The following PDIK1L variants were observed in gnomAD, a reference collection of about 807,000 sequenced individuals.
PDIK1L encodes the protein PDLIM1 interacting kinase 1 like.
In PDIK1L, 9 loss-of-function variants were observed where a neutral mutation model predicts 27.1. That is an observed-to-expected ratio of 0.33 (90% CI 0.20 to 0.58). The LOEUF is 0.58. Ranked by LOEUF, PDIK1L falls within the 20% of genes least tolerant of loss-of-function variation. The pLI is 0.86. For synonymous variants in PDIK1L, 130 were observed against 141.7 expected, an observed-to-expected ratio of 0.92 and a Z score of 0.59; for missense variants, 216 against 413.2, an observed-to-expected ratio of 0.52 and a Z score of 4.14.
At chr1:26,116,599 G>T (rs1435767640) in intron 2 of PDIK1L, among the ~76,000 whole-genome samples, 5 of 152,196 alleles carry the variant, frequency 3.3e-5, no homozygotes, top group Admixed American at 6.5e-5. Context: ...ATACACGAAT[G>T]TATGTATTAA....
rs1315734461 is a variant in PDIK1L, at chr1:26,124,470, C to G, written c.*1893C>G. ...AGCTATAGGGAGTAAGAAAAAGCAT[C>G]ATGATAACGTCTAGTCAATAACATG... On this transcript the variant is annotated 3_prime_UTR_variant, in exon 3 of 3. Coordinates refer to ENST00000374269, the MANE Select transcript of PDIK1L (RefSeq NM_152835.5). 1 of 152,158 alleles carries G rather than the reference C, an allele frequency of 6.6e-6. No individual in the cohort carries two copies. The highest frequency in any genetic ancestry group is 2.4e-5 in the African/African-American group (1 of 41,442). The allele number at this position is 152,158 out of a possible 1,614,324, so 9.4% of individuals were successfully genotyped here.
At chr1:26,118,749 C>T (rs947932807) in intron 2 of PDIK1L, among the ~76,000 whole-genome samples, 1 of 152,202 alleles carries the variant, frequency 6.6e-6, no homozygotes, top group Non-Finnish European at 1.5e-5. Context: ...CATTCATCAA[C>T]ACATTTAGCA....
chr1:26,115,768 C>G (rs2124469498), intron 2 of PDIK1L, among the ~76,000 whole-genome samples: 1 of 151,704 alleles, frequency 6.6e-6, no homozygotes, highest in East Asian at 1.9e-4. Flanking sequence ...CGCCACTGCA[C>G]TCCAGCCTGG....
chr1:26,113,122 A>T (rs1170380641), intron 1 of PDIK1L, among the ~76,000 whole-genome samples: 1 of 152,256 alleles, frequency 6.6e-6, no homozygotes, highest in African/African-American at 2.4e-5. Flanking sequence ...TAAAAATTTT[A>T]AAATAGCTAT....
At chr1:26,118,760 A>G (rs1370212075) in intron 2 of PDIK1L, among the ~76,000 whole-genome samples, 7 of 152,348 alleles carry the variant, frequency 4.6e-5, no homozygotes, top group African/African-American at 1.7e-4. Flanking sequence ...ACATTTAGCA[A>G]GTGCCCTCTC....
intron 2 of PDIK1L, among the ~76,000 whole-genome samples, chr1:26,118,472 T>C (rs905837772): frequency 3.9e-5 from 6 of 152,230 alleles, no homozygotes; most frequent in African/African-American, 1.4e-4. Context: ...CCTTTTTGTT[T>C]AGTAAATCTC....
rs2088009558 is a variant in PDIK1L at position 26,122,718 on chromosome 1, C to A, written c.*141C>A. Reference sequence around the variant, plus strand: ...TTTTTTGTGGGATTTTTTTTTTCCTCATTTTTCTTAAATCCAAGTTGGCCG... The same window carrying A: ...TTTTTTGTGGGATTTTTTTTTTCCTAATTTTTCTTAAATCCAAGTTGGCCG... On this transcript the variant is annotated 3_prime_UTR_variant, in exon 3 of 3. Transcript: ENST00000374269. The surrounding 1 kb of genome is among the most constrained non-coding windows in gnomAD (Gnocchi z 5.4). 1.9e-6 allele frequency: 2 copies of A among 1,067,308 alleles called. No homozygotes were observed. The highest frequency in any genetic ancestry group is 2.5e-6 in the Non-Finnish European group (2 of 801,646). 66.1% of individuals were successfully genotyped at this position (1,067,308 alleles called of 1,614,324 possible).
rs557065681 is a variant in PDIK1L at position 26,116,967 on chromosome 1, C to T, written c.285+2374C>T. 3.3e-5 allele frequency among the ~76,000 whole-genome samples: 5 copies of T among 150,170 alleles called. No individual in the cohort carries two copies. The South Asian group carries it at 6.4e-4, about 19-fold the overall frequency. ...CTGACCTCAGGTGATCCACCCACCT[C>T]GGCCTCCCAAAGTGTTGGGATTACA... On this transcript the variant is annotated intron_variant, in intron 2 of 2. Transcript: ENST00000374269.
At chr1:26,115,532 TG>T (rs1425958951) in intron 2 of PDIK1L, among the ~76,000 whole-genome samples, 1 of 152,230 alleles carries the variant, frequency 6.6e-6, no homozygotes, top group Non-Finnish European at 1.5e-5. Flanking sequence ...CCAGGCACAG[TG>T]GCTCACGCCT....
chr1:26,111,508 C>A (rs1267825203), upstream of PDIK1L: 1 of 151,232 alleles, frequency 6.6e-6, no homozygotes, highest in Non-Finnish European at 1.5e-5. The surrounding 1 kb of genome is among the most constrained non-coding windows in gnomAD (Gnocchi z 4.0). Context: ...GCAGACGGTC[C>A]CCGGGGCCGC....
Position 26,122,635 on chromosome 1 carries a change from A to G in PDIK1L, c.*58A>G. The G allele has an allele frequency of 6.6e-7, 1 of 1,513,578 alleles. No individual in the cohort carries two copies. Among genetic ancestry groups the G allele is most frequent in the East Asian group, 2.3e-5 (1 of 44,118 alleles). The allele number at this position is 1,513,578 out of a possible 1,614,324, so 93.8% of individuals were successfully genotyped here. The stretch of plus-strand genomic sequence containing the variant: ...GCTGCTTCTGTTTAACAGTGATGCA[A>G]CATTATGTGGCTGAAAAAGAATATA... On this transcript the variant is annotated 3_prime_UTR_variant, in exon 3 of 3. Coordinates refer to ENST00000374269, the MANE Select transcript of PDIK1L (RefSeq NM_152835.5). This position sits in a 1 kb window ranked among gnomAD's most constrained non-coding sequence, Gnocchi z 5.4.
At chr1:26,116,641 G>A (rs1181277700) in intron 2 of PDIK1L, among the ~76,000 whole-genome samples, 2 of 152,236 alleles carry the variant, frequency 1.3e-5, no homozygotes, top group African/African-American at 4.8e-5. Flanking sequence ...ACGATGAGCA[G>A]TATTAGTCTT....
At chr1:26,119,961 G>A (rs1244842550) in intron 2 of PDIK1L, among the ~76,000 whole-genome samples, 2 of 152,244 alleles carry the variant, frequency 1.3e-5, no homozygotes, top group Non-Finnish European at 2.9e-5. Context: ...CATAACCCAT[G>A]TTAAAGAGTT....
In PDIK1L at chr1:26,125,351, A is replaced by G. The variant is rs1271890443; in HGVS notation, c.*2774A>G. On this transcript the variant is annotated 3_prime_UTR_variant, in exon 3 of 3. Coordinates refer to ENST00000374269, the MANE Select transcript of PDIK1L (RefSeq NM_152835.5). ...TCAATCAAACTATTGTAGCAGCTAC[A>G]AAGTAATTCACCAGCATGACAAAAT... is the stretch of plus-strand genomic sequence containing the variant. 1.3e-5 allele frequency: 2 copies of G among 152,768 alleles called. No individual in the cohort carries two copies. Among genetic ancestry groups the G allele is most frequent in the East Asian group, 3.8e-4 (2 of 5,196 alleles). 9.5% of individuals were successfully genotyped at this position (152,768 alleles called of 1,614,324 possible).
chr1:26,113,364 CGCCTATAGTCCCAGCTACTCGG>C (rs927304579), intron 1 of PDIK1L, among the ~76,000 whole-genome samples: 3 of 151,784 alleles, frequency 2.0e-5, no homozygotes, highest in Non-Finnish European at 4.4e-5. Context: ...TGGTGGCAGG[CGCCTATAGTCCCAGCTACTCGG>C]GAGGCTGAGG....
chr1:26,117,297 GC>G (rs1334510690), intron 2 of PDIK1L, among the ~76,000 whole-genome samples: 2 of 152,036 alleles, frequency 1.3e-5, no homozygotes, highest in Non-Finnish European at 2.9e-5. Context: ...CTCCCAAAGT[GC>G]TGGGATTACA....
chr1:26,113,723 G>A (rs1407083750), intron 1 of PDIK1L, among the ~76,000 whole-genome samples: 1 of 152,120 alleles, frequency 6.6e-6, no homozygotes, highest in Non-Finnish European at 1.5e-5. Context: ...CTAACTGTGA[G>A]GGGGTTTTGT....
At chr1:26,111,802 A>G (rs1249560920), upstream of PDIK1L, 1 of 149,974 alleles carries the variant, frequency 6.7e-6, no homozygotes, top group African/African-American at 2.4e-5. This position sits in a 1 kb window ranked among gnomAD's most constrained non-coding sequence, Gnocchi z 4.0. Context: ...CGCGCGCACC[A>G]CGGGGGCGCG....
intron 2 of PDIK1L, among the ~76,000 whole-genome samples, chr1:26,120,950 CAAAAA>C (rs11316360): frequency 5.2e-5 from 5 of 96,298 alleles, no homozygotes; most frequent in African/African-American, 1.5e-4. Flanking sequence ...GACTCCGTCT[CAAAAA>C]AAAAAAAAAA....
Sources: gnomAD v4.1 joint callset for allele counts (sites outside exome capture counted in the v4.1 genomes callset) on GRCh38, gnomAD v4.1.1 for gene constraint, Gnocchi (gnomAD v3.1) non-coding constraint, MANE v1.5 for transcripts, NCBI Gene and HGNC (gene_info 2026-07-23, HGNC 2026-07-21) for gene names.